The following STK3 variants were observed in gnomAD, a reference collection of about 807,000 sequenced individuals.
The protein encoded by STK3 is serine/threonine kinase 3, also known as serine/threonine-protein kinase 3.
A neutral mutation model predicts 58.0 loss-of-function variants in STK3; 41 were observed. The ratio of observed to expected loss-of-function variants is 0.71; its 90% CI spans 0.55 to 0.92. The LOEUF is 0.92. Ranked by LOEUF, STK3 falls within the 40% of genes least tolerant of loss-of-function variation. STK3 has a pLI of 0.00. For synonymous variants in STK3, 170 were observed against 191.0 expected (o/e 0.89, Z 0.91); for missense variants, 479 against 602.7 (o/e 0.79, Z 2.15).
At chr8:98,757,599 A>G (rs1230229983) in intron 3 of STK3, among the ~76,000 whole-genome samples, 5 of 131,092 alleles carry the variant, frequency 3.8e-5, no homozygotes, top group Non-Finnish European at 8.2e-5. Context: ...CATCTCAAAG[A>G]AAAAAAAAAA....
At chr8:98,711,494 C>A (rs1826435720) in intron 4 of STK3, among the ~76,000 whole-genome samples, 1 of 152,186 alleles carries the variant, frequency 6.6e-6, no homozygotes, top group Non-Finnish European at 1.5e-5. Context: ...AATGCACAAG[C>A]CTCAGTAGCC....
chr8:98,930,855 G>T (rs1286614903), intron 1 of STK3, among the ~76,000 whole-genome samples: 1 of 152,144 alleles, frequency 6.6e-6, no homozygotes, highest in Non-Finnish European at 1.5e-5. Context: ...AATCCCCAGG[G>T]AATTACAAAA....
rs959213349 is a variant in STK3 at position 98,821,205 on chromosome 8, T to C, written c.26+4310A>G. On this transcript the variant is annotated intron_variant, in intron 1 of 10. Coordinates refer to ENST00000419617, the MANE Select transcript of STK3 (RefSeq NM_006281.4). ...AGCTCCTGTCAGATCATCAGTAGCA[T>C]TAGATTCTCATAGGAGTGCGAACCC... Among the ~76,000 whole-genome samples, 8 of 152,112 alleles carry C rather than the reference T, an allele frequency of 5.3e-5. No homozygotes were observed. The East Asian group carries it at 1.5e-3, about 29-fold the overall frequency.
chr8:98,483,971 G>C (rs888934998), intron 10 of STK3, among the ~76,000 whole-genome samples: 1 of 152,028 alleles, frequency 6.6e-6, no homozygotes, highest in African/African-American at 2.4e-5. Context: ...CCTCTGTTCA[G>C]TGAAAATTAA....
At chr8:98,900,621 C>T (rs1488363094) in intron 1 of STK3, among the ~76,000 whole-genome samples, 2 of 151,036 alleles carry the variant, frequency 1.3e-5, no homozygotes, top group Non-Finnish European at 3.0e-5. Context: ...TGTTTTCCCA[C>T]GTGTCTTTTT....
At chr8:98,571,017 A>T (rs1736114007) in intron 8 of STK3, among the ~76,000 whole-genome samples, 1 of 152,144 alleles carries the variant, frequency 6.6e-6, no homozygotes, top group Non-Finnish European at 1.5e-5. Flanking sequence ...TTCTTTACCT[A>T]ATTCAAAAGG....
intron 4 of STK3, chr8:98,722,602 TTTG>T (rs1285722413): frequency 6.5e-6 from 1 of 154,812 alleles, no homozygotes; most frequent in East Asian, 1.9e-4. Flanking sequence ...TAGATGGAGT[TTTG>T]TTTTCAAATA....
chr8:98,353,048 G>A, the STK3 span, among the ~76,000 whole-genome samples: 7 of 152,210 alleles, frequency 4.6e-5, no homozygotes, highest in Non-Finnish European at 8.8e-5. Context: ...AGCAACCACT[G>A]ATTGTCCATA....
intron 1 of STK3, among the ~76,000 whole-genome samples, chr8:98,796,720 G>A (rs1272436658): frequency 1.3e-5 from 2 of 152,098 alleles, no homozygotes; most frequent in Non-Finnish European, 2.9e-5. Flanking sequence ...GCCGTCAAAG[G>A]TCTAATATCT....
At chr8:98,860,557 C>T (rs1290569092) in intron 3 of STK3, among the ~76,000 whole-genome samples, 3 of 152,188 alleles carry the variant, frequency 2.0e-5, no homozygotes, top group Admixed American at 2.0e-4. Context: ...ACCCTCATAG[C>T]CCAACAGAAA....
chr8:98,774,504 A>C (rs950097681), intron 2 of STK3, among the ~76,000 whole-genome samples: 2 of 152,212 alleles, frequency 1.3e-5, no homozygotes, highest in African/African-American at 4.8e-5. Flanking sequence ...ATCATTTCAC[A>C]GCACATTTCT....
intron 3 of STK3, among the ~76,000 whole-genome samples, chr8:98,847,459 C>T (rs1021736108): frequency 2.0e-5 from 3 of 152,170 alleles, no homozygotes; most frequent in African/African-American, 7.2e-5. Flanking sequence ...AGCCCAATGG[C>T]TTTTTCTCTT....
chr8:98,742,430 C>A lies in STK3; in HGVS notation c.351+6846G>T, dbSNP rs183139648. Among the ~76,000 whole-genome samples the A allele has an allele frequency of 4.5e-5, 5 of 111,910 alleles. 1 individual carries two copies. The highest frequency in any genetic ancestry group is 2.1e-4 in the Admixed American group (2 of 9,552). 73.4% of individuals were successfully genotyped at this position (111,910 alleles called of 152,430 possible). A position where few individuals can be genotyped will look rare whatever the true frequency, so the allele number is the denominator to read the frequency against. On this transcript the variant is annotated intron_variant, in intron 4 of 10. Transcript: ENST00000419617. The stretch of plus-strand genomic sequence containing the variant: ...TGGGATGCAAGGCTGGTTCAACATA[C>A]GCAAATCAATAAACGTAATCCATCA...
chr8:98,398,876 C>T (rs1241546927), downstream of STK3, among the ~76,000 whole-genome samples: 1 of 152,176 alleles, frequency 6.6e-6, no homozygotes, highest in African/African-American at 2.4e-5. Flanking sequence ...GAGGCCACAG[C>T]GTTAAATCCC....
At chr8:98,795,852 AAT>A (rs1833136393) in intron 1 of STK3, among the ~76,000 whole-genome samples, 1 of 147,996 alleles carries the variant, frequency 6.8e-6, no homozygotes, top group African/African-American at 2.5e-5. Context: ...AATACAATAC[AAT>A]ACAATACAAT....
chr8:98,552,361 C>T (rs1013841562), intron 8 of STK3, among the ~76,000 whole-genome samples: 2 of 152,096 alleles, frequency 1.3e-5, no homozygotes, highest in African/African-American at 2.4e-5. Context: ...TCCTATCACA[C>T]TTAGAATAAG....
intron 6 of STK3, among the ~76,000 whole-genome samples, chr8:98,704,142 T>G (rs1213182052): frequency 6.6e-6 from 1 of 152,126 alleles, no homozygotes; most frequent in Admixed American, 6.6e-5. Context: ...GAAGAATAAC[T>G]AACAGAAAAC....
chr8:98,600,813 T>G (rs535845093), intron 6 of STK3, among the ~76,000 whole-genome samples: 1 of 152,270 alleles, frequency 6.6e-6, no homozygotes, highest in African/African-American at 2.4e-5. Context: ...CTGACAAATG[T>G]GTGAATTACA....
the STK3 span, among the ~76,000 whole-genome samples, chr8:98,357,474 A>G: frequency 6.6e-6 from 1 of 152,254 alleles, no homozygotes; most frequent in East Asian, 1.9e-4. Context: ...ACCTCAGTGC[A>G]TAGCACACCG....
Sources: gnomAD v4.1 joint callset for allele counts (sites outside exome capture counted in the v4.1 genomes callset) on GRCh38, gnomAD v4.1.1 for gene constraint, MANE v1.5 for transcripts, NCBI Gene and HGNC (gene_info 2026-07-23, HGNC 2026-07-21) for gene names.